The following GRM1 variants were observed in gnomAD, a reference collection of about 807,000 sequenced individuals.
GRM1 encodes glutamate metabotropic receptor 1.
Under a neutral mutation model 90.9 loss-of-function variants are expected in GRM1, and 33 were observed. The ratio of observed to expected loss-of-function variants is 0.36; its 90% CI spans 0.28 to 0.49. The LOEUF (loss-of-function observed/expected upper bound fraction) is 0.49, where lower values mean the gene tolerates loss of function less well. Ranked by LOEUF, GRM1 falls within the 20% of genes least tolerant of loss-of-function variation. GRM1 has a pLI of 0.99. For synonymous variants in GRM1, 700 were observed against 613.2 expected, an observed-to-expected ratio of 1.14 and a Z score of -2.09; for missense variants, 1,190 against 1,534.3, an observed-to-expected ratio of 0.78 and a Z score of 3.75.
At position 146,323,931 on chromosome 6, in the gene GRM1, G is replaced by T. The variant is rs111747637; in HGVS notation, c.1186+19085G>T. Among the ~76,000 whole-genome samples the T allele has an allele frequency of 1.3e-3, 201 of 152,270 alleles. 2 individuals are homozygous for T. In the Middle Eastern group the frequency reaches 0.031, roughly 23 times the overall value. On this transcript the variant is annotated intron_variant, in intron 3 of 7. Coordinates refer to ENST00000282753, the MANE Select transcript of GRM1 (RefSeq NM_001278064.2). ...ATGTGGCATTATTTCTGAGGGCTCT[G>T]TTCTGTTCCATTGGTCTATATCTCT...
intron 3 of GRM1, among the ~76,000 whole-genome samples, chr6:146,349,948 C>A (rs902632599): frequency 6.6e-6 from 1 of 152,098 alleles, no homozygotes; most frequent in Non-Finnish European, 1.5e-5. Context: ...TTAGAAGGCA[C>A]CTGACTTAAG....
At chr6:146,280,445 A>G (rs1782525328) in intron 2 of GRM1, among the ~76,000 whole-genome samples, 2 of 152,170 alleles carry the variant, frequency 1.3e-5, no homozygotes, top group Non-Finnish European at 2.9e-5. Context: ...CAGTGTTTCT[A>G]GTTTGCTAAT....
At chr6:146,242,037 G>A (rs1780883213) in intron 2 of GRM1, among the ~76,000 whole-genome samples, 1 of 152,034 alleles carries the variant, frequency 6.6e-6, no homozygotes, top group African/African-American at 2.4e-5. Context: ...ATGTGAGCTG[G>A]GGCTGAAAAG....
intron 7 of GRM1, among the ~76,000 whole-genome samples, chr6:146,415,954 C>CTA (rs1777766281): frequency 6.6e-6 from 1 of 152,144 alleles, no homozygotes; most frequent in South Asian, 2.1e-4. Flanking sequence ...CCTTTGTCCT[C>CTA]TATATAGACT....
intron 1 of GRM1, among the ~76,000 whole-genome samples, chr6:146,143,053 G>A (rs770014043): frequency 6.6e-6 from 1 of 152,110 alleles, no homozygotes; most frequent in Non-Finnish European, 1.5e-5. Context: ...CATGATGTGC[G>A]CTACCTTGCT....
rs1182859586 is a variant in GRM1, at chr6:146,357,630, A to G, written c.1538A>G (p.Gln513Arg). The G allele has an allele frequency of 1.2e-6, 2 of 1,613,954 alleles. No homozygotes were observed. Among genetic ancestry groups the G allele is most frequent in the Non-Finnish European group, 1.7e-6 (2 of 1,179,912 alleles). The part of the protein sequence containing the change: ...GVLNIDDYKI[Q>R]MNKSGVVRSV... ...CTGAACATTGATGATTACAAAATCC[A>G]GATGAACAAGAGTGGAGTGGTGCGG... Residue 513 changes from glutamine (Q) to arginine (R), a missense_variant, in exon 5 of 8, where the codon CAG (glutamine) becomes CGG (arginine). Transcript: ENST00000282753.
Position 146,399,746 on chromosome 6 carries a change from T to A in GRM1, c.2660+47T>A, listed in dbSNP as rs1777086788. ...TCTCTCTTTTCTCTTCCTTTCTCTG[T>A]CTCTTTCTCTCTCTCTCTCTCTCTC... is the stretch of plus-strand genomic sequence containing the variant. On this transcript the variant is annotated intron_variant, in intron 7 of 7. Transcript: ENST00000282753. The surrounding 1 kb of genome is among the most constrained non-coding windows in gnomAD (Gnocchi z 5.4). 8.1e-7 allele frequency: 1 copy of A among 1,238,550 alleles called. No individual in the cohort carries two copies. Among genetic ancestry groups the A allele is most frequent in the Non-Finnish European group, 1.1e-6 (1 of 879,050 alleles). 76.7% of individuals were successfully genotyped at this position (1,238,550 alleles called of 1,614,324 possible). A position where few individuals can be genotyped will look rare whatever the true frequency, so the allele number is the denominator to read the frequency against.
At chr6:146,330,591 A>G (rs1784554865) in intron 3 of GRM1, among the ~76,000 whole-genome samples, 1 of 152,158 alleles carries the variant, frequency 6.6e-6, no homozygotes, top group Admixed American at 6.6e-5. Flanking sequence ...TTGTATCTGT[A>G]GCCCTTCCCT....
intron 7 of GRM1, among the ~76,000 whole-genome samples, chr6:146,403,798 C>T (rs1031984025): frequency 1.3e-5 from 2 of 152,056 alleles, no homozygotes; most frequent in Non-Finnish European, 2.9e-5. Flanking sequence ...TCATTTATGT[C>T]TATAGCTCTG....
At chr6:146,253,778 TG>T (rs1171857487) in intron 2 of GRM1, among the ~76,000 whole-genome samples, 1 of 152,180 alleles carries the variant, frequency 6.6e-6, no homozygotes, top group Non-Finnish European at 1.5e-5. Context: ...ACAAATCTTC[TG>T]CATAACATTA....
At chr6:146,190,809 G>A (rs567030953) in intron 2 of GRM1, among the ~76,000 whole-genome samples, 1 of 152,176 alleles carries the variant, frequency 6.6e-6, no homozygotes, top group East Asian at 1.9e-4. Context: ...TTTCTTGGCT[G>A]AGCATTGCAA....
At chr6:146,159,003 C>G (rs1777614141) in intron 1 of GRM1, among the ~76,000 whole-genome samples, 2 of 152,206 alleles carry the variant, frequency 1.3e-5, no homozygotes, top group Admixed American at 1.3e-4. Context: ...CTCCTTTGAC[C>G]TCCCTAGTCC....
intron 7 of GRM1, among the ~76,000 whole-genome samples, chr6:146,418,736 T>A (rs77598095): frequency 0.013 from 1,958 of 151,950 alleles, 48 homozygotes; most frequent in African/African-American, 0.045. Flanking sequence ...ATTTCCATAT[T>A]CTGTTTTGAT....
chr6:146,317,584 A>G (rs977466952), intron 3 of GRM1, among the ~76,000 whole-genome samples: 1 of 152,246 alleles, frequency 6.6e-6, no homozygotes, highest in African/African-American at 2.4e-5. Flanking sequence ...CTGTGACAAG[A>G]AATTAAAAAT....
At chr6:146,125,589 A>G (rs532331598) in intron 1 of GRM1, among the ~76,000 whole-genome samples, 12 of 152,174 alleles carry the variant, frequency 7.9e-5, no homozygotes, top group East Asian at 5.8e-4. Flanking sequence ...TAAATTATAC[A>G]TTAAGAGTGT....
chr6:146,219,813 C>CTCTTTTA (rs1779996196), intron 2 of GRM1, among the ~76,000 whole-genome samples: 2 of 151,994 alleles, frequency 1.3e-5, no homozygotes, highest in Non-Finnish European at 2.9e-5. Context: ...AAGAATAAAG[C>CTCTTTTA]TAAGAGTTTA....
At chr6:146,049,995 G>C (rs899980866) in intron 1 of GRM1, among the ~76,000 whole-genome samples, 6 of 151,882 alleles carry the variant, frequency 4.0e-5, no homozygotes, top group Non-Finnish European at 8.8e-5. Context: ...TGATTACTAC[G>C]TATAATCTCC....
At chr6:146,397,172 T>C (rs1776970413) in intron 6 of GRM1, among the ~76,000 whole-genome samples, 1 of 152,010 alleles carries the variant, frequency 6.6e-6, no homozygotes, top group East Asian at 1.9e-4. Flanking sequence ...ACTAAATACA[T>C]AAAATTTTTT....
At chr6:146,234,751 G>C (rs1173605227) in intron 2 of GRM1, among the ~76,000 whole-genome samples, 1 of 151,832 alleles carries the variant, frequency 6.6e-6, no homozygotes, top group East Asian at 1.9e-4. Flanking sequence ...TTGATTACTA[G>C]GTGTTTTTTG....
Sources: gnomAD v4.1 joint callset for allele counts (sites outside exome capture counted in the v4.1 genomes callset) on GRCh38, gnomAD v4.1.1 for gene constraint, Gnocchi (gnomAD v3.1) non-coding constraint, MANE v1.5 for transcripts, NCBI Gene and HGNC (gene_info 2026-07-23, HGNC 2026-07-21) for gene names.